ATP11A: variants seen among roughly 807,000 people sequenced by gnomAD.
ATP11A encodes the protein phospholipid-transporting ATPase IH.
Under a neutral mutation model 154.4 loss-of-function variants are expected in ATP11A, and 81 were observed. That is an observed-to-expected ratio of 0.52 (90% CI 0.44 to 0.63). ATP11A has a LOEUF of 0.63. Ranked by LOEUF, ATP11A falls within the 30% of genes least tolerant of loss-of-function variation. The probability of loss-of-function intolerance (pLI) is 0.00; values close to 1 mark genes in which losing one functional copy is unlikely to be tolerated. For missense variants in ATP11A, 1,316 were observed against 1,474.3 expected (o/e 0.89, Z 1.76); for synonymous variants, 623 against 585.9 (o/e 1.06, Z -0.91).
Position 112,716,516 on chromosome 13 carries a change from C to T in ATP11A, c.39+26061C>T, listed in dbSNP as rs553144886. 8.4e-4 allele frequency among the ~76,000 whole-genome samples: 128 copies of T among 152,272 alleles called. 1 individual carries two copies. The highest frequency in any genetic ancestry group is 1.8e-3 in the Admixed American group (27 of 15,302). ...GGCATCCCCTCCGCCTCTGGGAGGA[C>T]GGGAGCCGGGACAGAGGGGGCAAGG... On this transcript the variant is annotated intron_variant, in intron 1 of 29. Coordinates refer to ENST00000375645, the MANE Select transcript of ATP11A (RefSeq NM_015205.3).
At chr13:112,742,198 A>G (rs1891635315) in intron 1 of ATP11A, among the ~76,000 whole-genome samples, 2 of 152,194 alleles carry the variant, frequency 1.3e-5, no homozygotes, top group Admixed American at 6.5e-5. Context: ...AGGTTTTTAA[A>G]ATAAGTGCAG....
rs115867515 is a variant in ATP11A, at chr13:112,700,545, G to C, written c.39+10090G>C. Among the ~76,000 whole-genome samples the C allele has an allele frequency of 9.7e-3, 1,477 of 152,346 alleles. 35 individuals are homozygous for C. Among genetic ancestry groups the C allele is most frequent in the African/African-American group, 0.034 (1,420 of 41,584 alleles). On this transcript the variant is annotated intron_variant, in intron 1 of 29. Transcript: ENST00000375645. ...TGGGTGCTGAGGGTGGTGGGTGGGCGCAGGCCTTGATGCCTGACTCTGACC... is the reference window on the plus strand; with the variant it reads ...TGGGTGCTGAGGGTGGTGGGTGGGCCCAGGCCTTGATGCCTGACTCTGACC...
intron 1 of ATP11A, among the ~76,000 whole-genome samples, chr13:112,740,514 C>A (rs919824867): frequency 1.3e-5 from 2 of 152,134 alleles, no homozygotes; most frequent in Admixed American, 6.5e-5. Flanking sequence ...GCAGAAATAG[C>A]CACAAAGCCA....
chr13:112,725,773 T>G (rs1889788030), intron 1 of ATP11A, among the ~76,000 whole-genome samples: 1 of 152,206 alleles, frequency 6.6e-6, no homozygotes, highest in South Asian at 2.1e-4. Flanking sequence ...AAGGACAACG[T>G]CCCTGAGGGT....
At chr13:112,796,848 G>C (rs2078011737) in intron 2 of ATP11A, among the ~76,000 whole-genome samples, 1 of 152,158 alleles carries the variant, frequency 6.6e-6, no homozygotes, top group Admixed American at 6.5e-5. Flanking sequence ...AGGCTGCTCA[G>C]AGACTGACGT....
At position 112,875,150 on chromosome 13, in the gene ATP11A, C is replaced by T. The variant is rs1458721731; in HGVS notation, c.3162-626C>T. Among the ~76,000 whole-genome samples, 2 of 152,226 alleles carry T rather than the reference C, an allele frequency of 1.3e-5. No homozygotes were observed. The highest frequency in any genetic ancestry group is 3.8e-4 in the East Asian group (2 of 5,196). ...CCTGCTTCCGTTTCCCTCCTGTTGT[C>T]CACACACCAGTTTCACTGTGCTTCC... On this transcript the variant is annotated intron_variant, in intron 27 of 29. Coordinates refer to ENST00000375645, the MANE Select transcript of ATP11A (RefSeq NM_015205.3). This position sits in a 1 kb window ranked among gnomAD's most constrained non-coding sequence, Gnocchi z 4.1.
chr13:112,701,322 C>T (rs569055630), intron 1 of ATP11A, among the ~76,000 whole-genome samples: 32 of 152,278 alleles, frequency 2.1e-4, no homozygotes, highest in Admixed American at 1.8e-3. Flanking sequence ...CCAGGCATCT[C>T]GGCAGTGTCT....
chr13:112,715,789 G>A (rs531177077), intron 1 of ATP11A, among the ~76,000 whole-genome samples: 1 of 152,020 alleles, frequency 6.6e-6, no homozygotes, highest in Admixed American at 6.5e-5. Context: ...GTTGCTCTGT[G>A]ATCATTCCCA....
chr13:112,869,013 C>T (rs895473272), intron 25 of ATP11A, among the ~76,000 whole-genome samples: 5 of 151,944 alleles, frequency 3.3e-5, no homozygotes, highest in African/African-American at 1.2e-4. Flanking sequence ...GGAGGACGTC[C>T]ATGATTCAGT....
Position 112,882,813 on chromosome 13 carries a change from C to A in ATP11A, c.*947C>A. 1 of 399,378 alleles carries A rather than the reference C, an allele frequency of 2.5e-6. No homozygotes were observed. Among genetic ancestry groups the A allele is most frequent in the Non-Finnish European group, 4.4e-6 (1 of 226,712 alleles). 24.7% of individuals were successfully genotyped at this position (399,378 alleles called of 1,614,324 possible). A position where few individuals can be genotyped will look rare whatever the true frequency, so the allele number is the denominator to read the frequency against. ...GGGTGCGAGGGCCGGGAGACAGATA[C>A]TTGGCTGTGATGAGCAGACATCCTC... On this transcript the variant is annotated 3_prime_UTR_variant, in exon 30 of 30. Coordinates refer to ENST00000375645, the MANE Select transcript of ATP11A (RefSeq NM_015205.3). This position sits in a 1 kb window ranked among gnomAD's most constrained non-coding sequence, Gnocchi z 5.1.
chr13:112,724,839 C>A (rs866489099), intron 1 of ATP11A, among the ~76,000 whole-genome samples: 23 of 152,194 alleles, frequency 1.5e-4, no homozygotes, highest in African/African-American at 5.3e-4. Flanking sequence ...GGCACCGGAA[C>A]AGAGGCCAGG....
intron 1 of ATP11A, among the ~76,000 whole-genome samples, chr13:112,776,426 G>A (rs1159591550): frequency 5.3e-5 from 8 of 152,176 alleles, no homozygotes; most frequent in African/African-American, 1.9e-4. Flanking sequence ...AGTGAGGCCA[G>A]TGCTGCCCCT....
intron 1 of ATP11A, among the ~76,000 whole-genome samples, chr13:112,716,584 G>A (rs1157947162): frequency 1.3e-5 from 2 of 152,296 alleles, no homozygotes; most frequent in Non-Finnish European, 2.9e-5. Flanking sequence ...CCACTGTGCC[G>A]GTCTTCATGC....
chr13:112,820,206 A>G (rs966132052), intron 8 of ATP11A, among the ~76,000 whole-genome samples: 18 of 152,236 alleles, frequency 1.2e-4, no homozygotes, highest in African/African-American at 4.1e-4. Context: ...CTCACAGGCC[A>G]GGAGGCGTCA....
chr13:112,856,927 C>G (rs768599126), intron 20 of ATP11A: 1 of 152,210 alleles, frequency 6.6e-6, no homozygotes, highest in Non-Finnish European at 1.5e-5. Flanking sequence ...GAACCAGGGT[C>G]CTCAGAATGA....
chr13:112,859,298 G>C lies in ATP11A; in HGVS notation c.2668-95G>C, dbSNP rs2080030441. 1.0e-6 allele frequency: 1 copy of C among 960,680 alleles called. No homozygotes were observed. The highest frequency in any genetic ancestry group is 1.7e-6 in the Non-Finnish European group (1 of 584,928). 59.5% of individuals were successfully genotyped at this position (960,680 alleles called of 1,614,324 possible). A position where few individuals can be genotyped will look rare whatever the true frequency, so the allele number is the denominator to read the frequency against. ...TTCTGCCGCACGCTGGGTGCACGTG[G>C]ATCCCTCCTCCCATGTGGGGTGGGC... is the stretch of plus-strand genomic sequence containing the variant. On this transcript the variant is annotated intron_variant, in intron 22 of 29. Transcript: ENST00000375645. The surrounding 1 kb of genome is among the most constrained non-coding windows in gnomAD (Gnocchi z 4.3).
chr13:112,780,343 G>T (rs1485398410), intron 1 of ATP11A, among the ~76,000 whole-genome samples: 1 of 152,092 alleles, frequency 6.6e-6, no homozygotes, highest in Non-Finnish European at 1.5e-5. Context: ...TCACCCCCGG[G>T]CAGGGGCCAT....
At chr13:112,704,426 C>T (rs574182446) in intron 1 of ATP11A, among the ~76,000 whole-genome samples, 1 of 152,370 alleles carries the variant, frequency 6.6e-6, no homozygotes, top group African/African-American at 2.4e-5. Context: ...GAAACCATAA[C>T]TGGTTTTGAT....
In ATP11A at chr13:112,696,184, C is replaced by T. The variant is rs1043744692; in HGVS notation, c.39+5729C>T. On this transcript the variant is annotated intron_variant, in intron 1 of 29. Transcript: ENST00000375645. The surrounding 1 kb of genome is among the most constrained non-coding windows in gnomAD (Gnocchi z 6.2). The stretch of plus-strand genomic sequence containing the variant: ...CAGTGACGGGACAGGTCACGGCGCT[C>T]GTGCACGCTGGGTGCCCAGTGCACG... Among the ~76,000 whole-genome samples, 1 of 152,190 alleles carries T rather than the reference C, an allele frequency of 6.6e-6. No individual in the cohort carries two copies. Among genetic ancestry groups the T allele is most frequent in the African/African-American group, 2.4e-5 (1 of 41,420 alleles).
Sources: gnomAD v4.1 joint callset for allele counts (sites outside exome capture counted in the v4.1 genomes callset) on GRCh38, gnomAD v4.1.1 for gene constraint, Gnocchi (gnomAD v3.1) non-coding constraint, MANE v1.5 for transcripts, NCBI Gene and HGNC (gene_info 2026-07-23, HGNC 2026-07-21) for gene names.